ZNF679: variants seen among roughly 807,000 people sequenced by gnomAD.
ZNF679 encodes the protein hypothetical protein MGC42415.
ZNF679 carries 10 observed loss-of-function variants against 13.4 expected under a neutral mutation model. The ratio of observed to expected loss-of-function variants is 0.75; its 90% CI spans 0.46 to 1.27. ZNF679 has a LOEUF of 1.27. Among genes scored for constraint, ZNF679 ranks in the 50% most tolerant of loss-of-function variants. The pLI is 0.00. For synonymous variants in ZNF679, 179 were observed against 162.5 expected, an observed-to-expected ratio of 1.10 and a Z score of -0.77; for missense variants, 525 against 477.8, an observed-to-expected ratio of 1.10 and a Z score of -0.92.
At chr7:64,233,917 G>C (rs1178544036) in intron 1 of ZNF679, among the ~76,000 whole-genome samples, 3 of 152,176 alleles carry the variant, frequency 2.0e-5, no homozygotes, top group Non-Finnish European at 4.4e-5. Context: ...AAGCCACTGA[G>C]AGACGGGACA....
At chr7:64,262,477 T>A (rs924418617) in intron 4 of ZNF679, among the ~76,000 whole-genome samples, 3 of 152,234 alleles carry the variant, frequency 2.0e-5, no homozygotes, top group African/African-American at 7.2e-5. Flanking sequence ...AGTATTTTGT[T>A]TAAAATATTT....
intron 1 of ZNF679, among the ~76,000 whole-genome samples, chr7:64,240,174 G>C (rs1787778790): frequency 6.6e-6 from 1 of 152,122 alleles, no homozygotes; most frequent in Non-Finnish European, 1.5e-5. Context: ...CTCTCAGAGA[G>C]GATTTTCACC....
At chr7:64,261,236 C>T (rs1788073507) in intron 4 of ZNF679, among the ~76,000 whole-genome samples, 1 of 151,568 alleles carries the variant, frequency 6.6e-6, no homozygotes, top group African/African-American at 2.4e-5. Context: ...CTAATATCTG[C>T]ATATTTTTGA....
chr7:64,231,225 T>C (rs1163050038), intron 1 of ZNF679, among the ~76,000 whole-genome samples: 1 of 152,230 alleles, frequency 6.6e-6, no homozygotes, highest in East Asian at 1.9e-4. Flanking sequence ...TTCTATTGTC[T>C]TGGTCCAGGT....
intron 4 of ZNF679, among the ~76,000 whole-genome samples, chr7:64,262,249 A>T (rs533302586): frequency 3.3e-5 from 5 of 152,212 alleles, no homozygotes; most frequent in African/African-American, 7.2e-5. Context: ...ATCACATGTG[A>T]TTTTCAAATA....
intron 1 of ZNF679, 59 bp from the exon 2 acceptor site, chr7:64,248,969 C>A: frequency 8.8e-7 from 1 of 1,133,432 alleles, no homozygotes; most frequent in Non-Finnish European, 1.3e-6. Flanking sequence ...AGGCATGCAG[C>A]TGGAGAGAAC....
chr7:64,266,043 A>G lies in ZNF679; in HGVS notation c.410A>G (p.Gln137Arg), dbSNP rs780264299. The stretch of plus-strand genomic sequence containing the variant: ...AAAAGCATGGGTGAGTGTGAGGTGC[A>G]AAAAGGAGGTTGTAATGAAGTTAAC... ...TCKSMGECEV[Q>R]KGGCNEVNQC... is the part of the protein sequence containing the mutation. The change falls in exon 5 of 5, where the codon CAA becomes CGA. Residue 137 changes from glutamine (Q) to arginine (R), a missense_variant. Coordinates refer to ENST00000421025, the MANE Select transcript of ZNF679 (RefSeq NM_153363.3). 1.2e-6 allele frequency: 2 copies of G among 1,613,480 alleles called. No homozygotes were observed. Among genetic ancestry groups the G allele is most frequent in the East Asian group, 2.2e-5 (1 of 44,798 alleles).
Position 64,266,149 on chromosome 7 carries a change from T to C in ZNF679, c.516T>C (p.Asn172=). The change falls in exon 5 of 5, where the codon AAT becomes AAC. Residue 172 remains asparagine (N), a synonymous_variant. Transcript: ENST00000421025. ...VKVFGKFSNS[N]RHKTRHTGKK... ...TCTTCGGCAAATTTTCAAATTCCAA[T>C]AGACATAAGACAAGACATACTGGAA... 2 of 1,605,058 alleles carry C rather than the reference T, an allele frequency of 1.2e-6. No homozygotes were observed. The highest frequency in any genetic ancestry group is 1.7e-6 in the Non-Finnish European group (2 of 1,174,618).
chr7:64,254,840 A>C (rs1787982608), intron 2 of ZNF679, among the ~76,000 whole-genome samples: 1 of 151,912 alleles, frequency 6.6e-6, no homozygotes, highest in South Asian at 2.1e-4. Flanking sequence ...TCTCTACCAA[A>C]AATACAGAAA....
At chr7:64,248,352 G>A (rs541677086) in intron 1 of ZNF679, among the ~76,000 whole-genome samples, 2 of 151,388 alleles carry the variant, frequency 1.3e-5, no homozygotes, top group East Asian at 3.9e-4. Flanking sequence ...GCACGATCTC[G>A]GCTCACTGCA....
intron 2 of ZNF679, among the ~76,000 whole-genome samples, chr7:64,259,159 G>T (rs1447365330): frequency 6.6e-6 from 1 of 152,168 alleles, no homozygotes; most frequent in South Asian, 2.1e-4. Flanking sequence ...TGATCCACCC[G>T]CCTTGGCCCC....
Position 64,249,080 on chromosome 7 carries a change from C to T in ZNF679, c.-38C>T. The T allele has an allele frequency of 6.2e-7, 1 of 1,613,810 alleles. No homozygotes were observed. Among genetic ancestry groups the T allele is most frequent in the Non-Finnish European group, 8.5e-7 (1 of 1,179,858 alleles). On this transcript the variant is annotated 5_prime_UTR_variant, in exon 2 of 5. Coordinates refer to ENST00000421025, the MANE Select transcript of ZNF679 (RefSeq NM_153363.3). ...GCGTCCTCTGTTCCTAGAGGCCAAGCCACTGTGGCCTTGTGTTCTGCAGGT... is the reference window on the plus strand; with the variant it reads ...GCGTCCTCTGTTCCTAGAGGCCAAGTCACTGTGGCCTTGTGTTCTGCAGGT...
At chr7:64,261,319 T>C (rs1219723412) in intron 4 of ZNF679, among the ~76,000 whole-genome samples, 3 of 152,204 alleles carry the variant, frequency 2.0e-5, no homozygotes. Context: ...GTAGTTTCTG[T>C]TTCATTGGTG....
Position 64,266,470 on chromosome 7 carries a change from C to T in ZNF679, c.837C>T (p.Arg279=). 1.2e-6 allele frequency: 2 copies of T among 1,612,644 alleles called. No homozygotes were observed. Among genetic ancestry groups the T allele is most frequent in the Non-Finnish European group, 8.5e-7 (1 of 1,179,506 alleles). Residue 279 remains arginine, a synonymous_variant, in exon 5 of 5, where the codon CGC becomes CGT. Coordinates refer to ENST00000421025, the MANE Select transcript of ZNF679 (RefSeq NM_153363.3). ...AAGAATGTGGCCAAGCCTTTAGCCGCTCCTCAACACTTGCTAACCACAAGA... is the reference window on the plus strand; with the variant it reads ...AAGAATGTGGCCAAGCCTTTAGCCGTTCCTCAACACTTGCTAACCACAAGA... ...TCEECGQAFS[R]SSTLANHKRI...
At chr7:64,257,004 T>A (rs1788013468) in intron 2 of ZNF679, among the ~76,000 whole-genome samples, 1 of 152,156 alleles carries the variant, frequency 6.6e-6, no homozygotes. Flanking sequence ...CCTGTTAAAC[T>A]TTTTATGGTT....
chr7:64,238,225 C>T (rs1377451040), intron 1 of ZNF679, among the ~76,000 whole-genome samples: 1 of 152,144 alleles, frequency 6.6e-6, no homozygotes, highest in Non-Finnish European at 1.5e-5. Flanking sequence ...AACAGGCTGA[C>T]TTCAGGGTGC....
At chr7:64,254,748 G>A (rs1787981753) in intron 2 of ZNF679, among the ~76,000 whole-genome samples, 1 of 152,014 alleles carries the variant, frequency 6.6e-6, no homozygotes, top group South Asian at 2.1e-4. Context: ...GACTCCAGGT[G>A]GTATCAGGAT....
chr7:64,235,403 A>G (rs1338736852), intron 1 of ZNF679, among the ~76,000 whole-genome samples: 1 of 152,096 alleles, frequency 6.6e-6, no homozygotes, highest in African/African-American at 2.4e-5. Flanking sequence ...TTGCTATATT[A>G]AGAAAAAGGA....
At chr7:64,252,740 C>T (rs866106125) in intron 2 of ZNF679, among the ~76,000 whole-genome samples, 75 of 152,128 alleles carry the variant, frequency 4.9e-4, no homozygotes, top group Admixed American at 4.3e-3. Flanking sequence ...ATTTTTGAGA[C>T]GGAGTCTCAC....
Sources: gnomAD v4.1 joint callset for allele counts (sites outside exome capture counted in the v4.1 genomes callset) on GRCh38, gnomAD v4.1.1 for gene constraint, MANE v1.5 for transcripts, NCBI Gene and HGNC (gene_info 2026-07-23, HGNC 2026-07-21) for gene names.